The following ANXA13 variants were observed in gnomAD, a reference collection of about 807,000 sequenced individuals.
ANXA13 encodes annexin XIII.
In ANXA13, 36 loss-of-function variants were observed where a neutral mutation model predicts 46.6. That is an observed-to-expected ratio of 0.77 (90% CI 0.59 to 1.02). The LOEUF (loss-of-function observed/expected upper bound fraction) is 1.02, where lower values mean the gene tolerates loss of function less well. Among genes scored for constraint, ANXA13 ranks in the 50% least tolerant of loss-of-function variants. ANXA13 has a pLI of 0.00. For synonymous variants in ANXA13, 163 were observed against 152.9 expected, an observed-to-expected ratio of 1.07 and a Z score of -0.49; for missense variants, 417 against 396.5, an observed-to-expected ratio of 1.05 and a Z score of -0.44.
chr8:123,691,784 C>T (rs1813247996), intron 8 of ANXA13, among the ~76,000 whole-genome samples: 1 of 152,172 alleles, frequency 6.6e-6, no homozygotes, highest in Non-Finnish European at 1.5e-5. Context: ...ACTGAGAATT[C>T]TCAATTTAAA....
intron 4 of ANXA13, among the ~76,000 whole-genome samples, chr8:123,698,147 G>T (rs1041290099): frequency 6.6e-6 from 1 of 152,246 alleles, no homozygotes; most frequent in Non-Finnish European, 1.5e-5. Flanking sequence ...GTTTAGAAAA[G>T]CAGAAGCTCG....
At chr8:123,711,450 A>T (rs1332635726) in intron 2 of ANXA13, among the ~76,000 whole-genome samples, 1 of 151,984 alleles carries the variant, frequency 6.6e-6, no homozygotes, top group Non-Finnish European at 1.5e-5. Context: ...CTAGACCTAG[A>T]TGCTGTCTCC....
chr8:123,695,761 A>T, intron 4 of ANXA13, 40 bp from the exon 5 acceptor site: 1 of 1,552,456 alleles, frequency 6.4e-7, no homozygotes, highest in Non-Finnish European at 8.9e-7. Context: ...TATTCCAAGG[A>T]GGGATTAATC....
intron 3 of ANXA13, among the ~76,000 whole-genome samples, chr8:123,699,129 G>A (rs1813398324): frequency 6.6e-6 from 1 of 152,222 alleles, no homozygotes; most frequent in Non-Finnish European, 1.5e-5. Context: ...GGACACAGGT[G>A]AAGAAGAATG....
chr8:123,709,433 C>G (rs142254802), intron 2 of ANXA13, among the ~76,000 whole-genome samples: 302 of 151,864 alleles, frequency 2.0e-3, no homozygotes, highest in Non-Finnish European at 3.6e-3. Context: ...TCCCTATCTT[C>G]TTTCTTTTCC....
At chr8:123,702,605 GGCT>G in intron 3 of ANXA13, 34 bp downstream of exon 3, 1 of 1,558,446 alleles carries the variant, frequency 6.4e-7, no homozygotes, top group South Asian at 1.1e-5. Context: ...CTGAGGCCAT[GGCT>G]GGGTGCAAGC....
At chr8:123,731,425 A>C (rs1283510006) in intron 1 of ANXA13, among the ~76,000 whole-genome samples, 1 of 152,270 alleles carries the variant, frequency 6.6e-6, no homozygotes, top group Non-Finnish European at 1.5e-5. Flanking sequence ...ATTTATTTAG[A>C]AAATGCAATG....
At chr8:123,695,201 C>T (rs112365720) in intron 6 of ANXA13, among the ~76,000 whole-genome samples, 2 of 151,846 alleles carry the variant, frequency 1.3e-5, no homozygotes, top group African/African-American at 4.8e-5. Flanking sequence ...GGTTACCCAC[C>T]CTCTCATGGC....
chr8:123,689,030 C>G, intron 8 of ANXA13, 84 bp from the exon 9 acceptor site: 2 of 1,341,706 alleles, frequency 1.5e-6, no homozygotes, highest in Non-Finnish European at 2.1e-6. Flanking sequence ...ACAAAAAGCA[C>G]TCAAGTTTTC....
intron 8 of ANXA13, among the ~76,000 whole-genome samples, chr8:123,692,255 A>T (rs958523824): frequency 1.2e-4 from 19 of 152,218 alleles, no homozygotes; most frequent in African/African-American, 4.3e-4. Context: ...GATAAGTTAC[A>T]GATGGTTCCT....
intron 9 of ANXA13, among the ~76,000 whole-genome samples, chr8:123,687,680 AT>A (rs1320723099): frequency 6.6e-6 from 1 of 152,306 alleles, no homozygotes; most frequent in East Asian, 1.9e-4. Context: ...ACTGGAGCAC[AT>A]TTTTTAACTT....
At chr8:123,706,239 G>C (rs1813537140) in intron 2 of ANXA13, among the ~76,000 whole-genome samples, 1 of 152,082 alleles carries the variant, frequency 6.6e-6, no homozygotes, top group Non-Finnish European at 1.5e-5. Context: ...ACACTATTAT[G>C]ATTTTTAAAA....
chr8:123,694,534 A>ATAGT (rs1242042429), intron 6 of ANXA13, among the ~76,000 whole-genome samples: 2 of 152,190 alleles, frequency 1.3e-5, no homozygotes, highest in Non-Finnish European at 2.9e-5. Flanking sequence ...CTAGGAGCTG[A>ATAGT]TAGTAGCTTC....
At chr8:123,686,114 T>G (rs1163948594) in intron 9 of ANXA13, among the ~76,000 whole-genome samples, 1 of 152,108 alleles carries the variant, frequency 6.6e-6, no homozygotes, top group Admixed American at 6.6e-5. Flanking sequence ...CAACCTCTGT[T>G]GTTAGCAGCA....
At position 123,695,556 on chromosome 8, in the gene ANXA13, A is replaced by G. The variant is rs769116301; in HGVS notation, c.417T>C (p.Asp139=). 24 of 1,613,994 alleles carry G rather than the reference A, an allele frequency of 1.5e-5. No individual in the cohort carries two copies. The Admixed American group carries it at 3.3e-4, about 22-fold the overall frequency. Residue 139 remains aspartate, a synonymous_variant, in exon 6 of 11, where the codon GAT becomes GAC. Transcript: ENST00000419625. ...QRLFDRSLES[D]VKGDTSGNLK... ...GGTTTCCACTTGTATCACCTTTGAC[A>G]TCTGATTCGAGGCTCCTATCAAATA... is the stretch of plus-strand genomic sequence containing the variant.
At chr8:123,686,138 A>G (rs1813136308) in intron 9 of ANXA13, among the ~76,000 whole-genome samples, 1 of 152,146 alleles carries the variant, frequency 6.6e-6, no homozygotes, top group African/African-American at 2.4e-5. Flanking sequence ...GGAATCTCTC[A>G]AAAGGCTGGG....
intron 1 of ANXA13, among the ~76,000 whole-genome samples, chr8:123,735,531 T>G (rs1814241127): frequency 6.6e-6 from 1 of 152,240 alleles, no homozygotes; most frequent in Non-Finnish European, 1.5e-5. Flanking sequence ...AATGAGACAC[T>G]GTTGGGAACA....
At chr8:123,728,874 A>G (rs1814053938) in intron 1 of ANXA13, among the ~76,000 whole-genome samples, 1 of 152,168 alleles carries the variant, frequency 6.6e-6, no homozygotes, top group Non-Finnish European at 1.5e-5. Context: ...TTAACATTTT[A>G]TCTTCCTTTT....
At chr8:123,691,584 C>A (rs1813243856) in intron 8 of ANXA13, among the ~76,000 whole-genome samples, 1 of 152,148 alleles carries the variant, frequency 6.6e-6, no homozygotes, top group Non-Finnish European at 1.5e-5. Flanking sequence ...GAAGTAGGTA[C>A]TATTATCCCT....
Sources: allele counts gnomAD v4.1 joint callset (sites outside exome capture counted in the v4.1 genomes callset), GRCh38; gene constraint gnomAD v4.1.1; transcripts MANE v1.5; gene names NCBI Gene and HGNC (gene_info 2026-07-23, HGNC 2026-07-21).